Variants in RBM19 observed in about 807,000 individuals in gnomAD.
RBM19 encodes the protein RNA binding motif protein 19.
RBM19 carries 94 observed loss-of-function variants against 116.8 expected under a neutral mutation model. That is an observed-to-expected ratio of 0.80 (90% CI 0.68 to 0.95). RBM19 has a LOEUF of 0.95. Ranked by LOEUF, RBM19 falls within the 40% of genes least tolerant of loss-of-function variation. The probability of loss-of-function intolerance (pLI) is 0.00; values close to 1 mark genes in which losing one functional copy is unlikely to be tolerated. For synonymous variants in RBM19, 475 were observed against 494.1 expected (o/e 0.96, Z 0.51); for missense variants, 1,161 against 1,220.7 (o/e 0.95, Z 0.73).
chr12:113,848,776 A>C (rs986357279), intron 22 of RBM19, among the ~76,000 whole-genome samples: 1 of 152,270 alleles, frequency 6.6e-6, no homozygotes, highest in Middle Eastern at 3.4e-3. Flanking sequence ...TGCGGGCAAG[A>C]TGCTCCTCTG....
chr12:113,817,935 A>T (rs1356352512), downstream of RBM19: 1 of 152,174 alleles, frequency 6.6e-6, no homozygotes, highest in Non-Finnish European at 1.5e-5. Flanking sequence ...TCTACTAAAA[A>T]TACAAAAAAT....
chr12:113,927,604 AC>A lies in RBM19; in HGVS notation c.2069-376del, dbSNP rs1265438037. On this transcript the variant is annotated intron_variant, in intron 16 of 23. Transcript: ENST00000261741. The stretch of plus-strand genomic sequence containing the variant: ...TTCCTCAAAAAACAAAAAAAAAAAA[AC>A]AAAAAAAAAAAAACCAGCACTTAGT... Among the ~76,000 whole-genome samples, 233 of 92,732 alleles carry A rather than the reference AC, an allele frequency of 2.5e-3. 1 individual carries two copies. The highest frequency in any genetic ancestry group is 4.0e-3 in the Non-Finnish European group (182 of 45,092). 60.8% of individuals were successfully genotyped at this position (92,732 alleles called of 152,430 possible). A position where few individuals can be genotyped will look rare whatever the true frequency, so the allele number is the denominator to read the frequency against.
intron 13 of RBM19, 127 bp from the exon 14 acceptor site, chr12:113,942,561 C>A: frequency 1.5e-6 from 1 of 683,554 alleles, no homozygotes; most frequent in South Asian, 1.9e-5. Flanking sequence ...GCTCACCTTC[C>A]TACATTGATC....
At chr12:113,910,443 A>G (rs1882357826) in intron 21 of RBM19, among the ~76,000 whole-genome samples, 1 of 152,170 alleles carries the variant, frequency 6.6e-6, no homozygotes, top group Admixed American at 6.5e-5. Flanking sequence ...ACACATTACT[A>G]AGAATTTCAA....
At chr12:113,907,540 T>C (rs999292726) in intron 21 of RBM19, among the ~76,000 whole-genome samples, 3 of 152,186 alleles carry the variant, frequency 2.0e-5, no homozygotes, top group African/African-American at 7.2e-5. Context: ...AATATCCTGA[T>C]AGGAAAACAG....
chr12:113,918,315 C>G, intron 20 of RBM19, 77 bp downstream of exon 20: 1 of 1,417,410 alleles, frequency 7.1e-7, no homozygotes, highest in South Asian at 1.2e-5. Context: ...GGTTGTGAGA[C>G]AGCCTCCAGG....
chr12:113,848,319 G>A (rs1023613013), intron 22 of RBM19, among the ~76,000 whole-genome samples: 26 of 152,226 alleles, frequency 1.7e-4, no homozygotes, highest in African/African-American at 5.8e-4. Context: ...TCCAAAAATA[G>A]CAGAATTACC....
At chr12:113,852,388 C>T (rs561970549) in intron 22 of RBM19, among the ~76,000 whole-genome samples, 9 of 152,322 alleles carry the variant, frequency 5.9e-5, no homozygotes, top group Admixed American at 1.3e-4. Context: ...AATGCAAGCT[C>T]GGGATTCAAA....
intron 21 of RBM19, among the ~76,000 whole-genome samples, chr12:113,902,116 G>T (rs1383366901): frequency 6.6e-6 from 1 of 152,118 alleles, no homozygotes; most frequent in African/African-American, 2.4e-5. Context: ...ACCTTATTCA[G>T]ATTTCACTAG....
intron 21 of RBM19, among the ~76,000 whole-genome samples, chr12:113,901,267 T>C (rs1029689167): frequency 1.3e-5 from 2 of 152,138 alleles, no homozygotes; most frequent in African/African-American, 4.8e-5. Flanking sequence ...ATATGGAGTA[T>C]AAAAGTTGGG....
At chr12:113,830,570 CG>C (rs869235673) in intron 23 of RBM19, among the ~76,000 whole-genome samples, 89 of 7,848 alleles carry the variant, frequency 0.011, 9 homozygotes, top group African/African-American at 0.089. Flanking sequence ...GCTAGGGCTG[CG>C]GGGCGGGGGG....
chr12:113,921,764 A>T (rs1175991856), intron 18 of RBM19, among the ~76,000 whole-genome samples: 1 of 152,190 alleles, frequency 6.6e-6, no homozygotes, highest in Admixed American at 6.5e-5. Context: ...GTGGGCTGGC[A>T]TGTCTGTGCA....
chr12:113,881,701 G>A (rs1255406876), intron 21 of RBM19, among the ~76,000 whole-genome samples: 1 of 152,194 alleles, frequency 6.6e-6, no homozygotes, highest in African/African-American at 2.4e-5. Context: ...TGCCATCTCT[G>A]CTAACAAACA....
Position 113,896,632 on chromosome 12 carries a change from T to C in RBM19, c.2558+18337A>G. The stretch of plus-strand genomic sequence containing the variant: ...AATCTGGGCTGAGAAATCCATGTTC[T>C]GAAATGCATTTTACAAGAGAACAGA... On this transcript the variant is annotated intron_variant, in intron 21 of 23. Transcript: ENST00000261741. 1.3e-5 allele frequency among the ~76,000 whole-genome samples: 2 copies of C among 152,170 alleles called. 1 individual carries two copies.
At chr12:113,944,115 T>G (rs1243239489) in intron 13 of RBM19, among the ~76,000 whole-genome samples, 19 of 117,224 alleles carry the variant, frequency 1.6e-4, no homozygotes, top group Admixed American at 6.9e-4. Context: ...TTTTTTTTTT[T>G]TTGGGGCAGA....
At chr12:113,943,508 C>A (rs986422112) in intron 13 of RBM19, among the ~76,000 whole-genome samples, 2 of 151,088 alleles carry the variant, frequency 1.3e-5, no homozygotes, top group African/African-American at 4.9e-5. Context: ...TTTTTTTTAA[C>A]ATTGTGCATA....
downstream of RBM19, among the ~76,000 whole-genome samples, chr12:113,819,902 G>T (rs986892247): frequency 1.3e-5 from 2 of 152,206 alleles, no homozygotes; most frequent in Non-Finnish European, 2.9e-5. Flanking sequence ...GATGATGATT[G>T]TAACAAAAAT....
At chr12:113,892,625 G>A (rs146790971) in intron 21 of RBM19, among the ~76,000 whole-genome samples, 259 of 152,294 alleles carry the variant, frequency 1.7e-3, no homozygotes, top group African/African-American at 6.1e-3. Flanking sequence ...ATGCGATTAG[G>A]TTTTTAAAAG....
chr12:113,964,819 C>A (rs1300285388), intron 1 of RBM19, among the ~76,000 whole-genome samples: 1 of 152,022 alleles, frequency 6.6e-6, no homozygotes, highest in African/African-American at 2.4e-5. Flanking sequence ...GATGGTTACT[C>A]CTGGACAGAG....
Sources: gnomAD v4.1 joint callset for allele counts (sites outside exome capture counted in the v4.1 genomes callset) on GRCh38, gnomAD v4.1.1 for gene constraint, MANE v1.5 for transcripts, NCBI Gene and HGNC (gene_info 2026-07-23, HGNC 2026-07-21) for gene names.